Variants in PMPCB observed in about 807,000 individuals in gnomAD.
PMPCB encodes the protein mitochondrial-processing peptidase subunit beta.
In PMPCB, 46 loss-of-function variants were observed where a neutral mutation model predicts 61.5. The observed-to-expected ratio is 0.75, with a 90% CI of 0.59 to 0.96. PMPCB has a LOEUF of 0.96. Ranked by LOEUF, PMPCB falls within the 40% of genes least tolerant of loss-of-function variation. The pLI, the probability that PMPCB is intolerant of heterozygous loss-of-function variation, is 0.00. For missense variants in PMPCB, 590 were observed against 602.4 expected (o/e 0.98, Z 0.22); for synonymous variants, 191 against 201.6 (o/e 0.95, Z 0.44).
At chr7:103,301,073 G>A (rs189233713) in intron 4 of PMPCB, among the ~76,000 whole-genome samples, 240 of 152,284 alleles carry the variant, frequency 1.6e-3, no homozygotes, top group South Asian at 4.1e-3. Context: ...CATTAATAAT[G>A]TTTAAATGGC....
downstream of PMPCB, chr7:103,316,985 T>C: frequency 1.2e-6 from 2 of 1,613,692 alleles, no homozygotes; most frequent in Non-Finnish European, 1.7e-6. Context: ...CCTCTTTCTC[T>C]TTTCTGATTT....
chr7:103,344,397 A>G, the PMPCB span: 2 of 708,190 alleles, frequency 2.8e-6, no homozygotes, highest in African/African-American at 1.8e-5. Flanking sequence ...CTAGGGTAGG[A>G]TTACTTTAAA....
Position 103,312,311 on chromosome 7 carries a change from A to AAAAC in PMPCB, c.*42_*45dup, listed in dbSNP as rs750389616. The AAAAC allele has an allele frequency of 6.2e-6, 10 of 1,603,130 alleles. No individual in the cohort carries two copies. ...AGATTGTTTGAACACATGTATTTAT[A>AAAAC]AAACAGAGCTAGAGAAAAATAAAAA... On this transcript the variant is annotated 3_prime_UTR_variant, in exon 13 of 13. Transcript: ENST00000249269.
chr7:103,312,306 T>C lies in PMPCB; in HGVS notation c.*35T>C, dbSNP rs1817789910. 1 of 1,604,404 alleles carries C rather than the reference T, an allele frequency of 6.2e-7. No individual in the cohort carries two copies. Among genetic ancestry groups the C allele is most frequent in the Non-Finnish European group, 8.5e-7 (1 of 1,179,480 alleles). The stretch of plus-strand genomic sequence containing the variant: ...AATCAAGATTGTTTGAACACATGTA[T>C]TTATAAAACAGAGCTAGAGAAAAAT... On this transcript the variant is annotated 3_prime_UTR_variant, in exon 13 of 13. Coordinates refer to ENST00000249269, the MANE Select transcript of PMPCB (RefSeq NM_004279.3).
chr7:103,344,465 G>C, the PMPCB span: 1 of 1,442,210 alleles, frequency 6.9e-7, no homozygotes, highest in South Asian at 1.1e-5. Context: ...TAGTCGCCAG[G>C]GTCAAGGGTA....
At position 103,297,546 on chromosome 7, in the gene PMPCB, C is replaced by T. The variant is rs759616359; in HGVS notation, c.87C>T (p.Gly29=). Residue 29 remains glycine, a synonymous_variant, in exon 1 of 13, where the codon GGC becomes GGT. Coordinates refer to ENST00000249269, the MANE Select transcript of PMPCB (RefSeq NM_004279.3). ...TCAGCGAGAGTCTTCTAATCCGAGG[C>T]GCTGCGGGACGGGTGAGCTTCCCTC... is the stretch of plus-strand genomic sequence containing the variant. ...WGFSESLLIR[G]AAGRSLYFGE... 6.2e-7 allele frequency: 1 copy of T among 1,609,802 alleles called. No homozygotes were observed. The highest frequency in any genetic ancestry group is 8.5e-7 in the Non-Finnish European group (1 of 1,177,482).
the PMPCB span, chr7:103,341,706 A>G: frequency 7.3e-7 from 1 of 1,371,188 alleles, no homozygotes. Context: ...AACTCATAAG[A>G]AAATTGTCTA....
chr7:103,317,270 G>C (rs1185507881), downstream of PMPCB: 1 of 404,328 alleles, frequency 2.5e-6, no homozygotes, highest in Admixed American at 4.2e-5. Context: ...ACTTCCATTA[G>C]CCTTGGACAC....
intron 12 of PMPCB, among the ~76,000 whole-genome samples, chr7:103,326,343 T>C (rs1213381831): frequency 3.3e-5 from 5 of 152,168 alleles, no homozygotes; most frequent in African/African-American, 1.2e-4. Context: ...AATGTAGAAC[T>C]TCTGTTTAGA....
intron 6 of PMPCB, among the ~76,000 whole-genome samples, chr7:103,306,087 A>G (rs1586044941): frequency 1.3e-5 from 2 of 152,214 alleles, no homozygotes; most frequent in Non-Finnish European, 2.9e-5. Context: ...CTTAAATTCA[A>G]TGAAATAGGC....
intron 12 of PMPCB, chr7:103,324,422 T>C (rs1818589404): frequency 7.3e-7 from 1 of 1,371,246 alleles, no homozygotes; most frequent in Non-Finnish European, 9.8e-7. Flanking sequence ...AATCAAGTAC[T>C]TATTGAATAC....
At chr7:103,320,359 T>C (rs962100774) in intron 12 of PMPCB, among the ~76,000 whole-genome samples, 2 of 152,080 alleles carry the variant, frequency 1.3e-5, no homozygotes, top group Admixed American at 1.3e-4. Flanking sequence ...AAGTGCTGGT[T>C]ACAGGTGTGA....
chr7:103,308,600 C>CAAA (rs1817653998), intron 7 of PMPCB, among the ~76,000 whole-genome samples: 2 of 152,038 alleles, frequency 1.3e-5, no homozygotes, highest in African/African-American at 4.8e-5. Context: ...GGCTGGGCGA[C>CAAA]AGAGTGAGAC....
At chr7:103,332,895 A>G (rs1025525048), downstream of PMPCB, among the ~76,000 whole-genome samples, 6 of 152,232 alleles carry the variant, frequency 3.9e-5, no homozygotes, top group African/African-American at 1.4e-4. Flanking sequence ...AAGTGCTGGG[A>G]TCAAAGGCAT....
chr7:103,337,345 T>C, the PMPCB span: 1 of 158,566 alleles, frequency 6.3e-6, no homozygotes, highest in African/African-American at 2.4e-5. Context: ...TACAAAGGTG[T>C]GACCTAAGAT....
At chr7:103,319,448 C>A (rs1818259218), downstream of PMPCB, among the ~76,000 whole-genome samples, 1 of 151,898 alleles carries the variant, frequency 6.6e-6, no homozygotes. Context: ...AAACAAAAAA[C>A]CAAAAAACCG....
chr7:103,319,449 C>CA (rs1056364973), downstream of PMPCB, among the ~76,000 whole-genome samples: 2 of 151,616 alleles, frequency 1.3e-5, no homozygotes, highest in Admixed American at 6.6e-5. Context: ...AACAAAAAAC[C>CA]AAAAAACCGA....
intron 8 of PMPCB, among the ~76,000 whole-genome samples, chr7:103,309,600 A>G (rs1263828897): frequency 6.6e-6 from 1 of 152,224 alleles, no homozygotes; most frequent in Admixed American, 6.5e-5. Context: ...ATATGCAAAT[A>G]TTACATATAC....
At chr7:103,297,954 G>A (rs1168617687) in intron 1 of PMPCB, 19 of 1,212,584 alleles carry the variant, frequency 1.6e-5, no homozygotes, top group Non-Finnish European at 2.0e-5. Flanking sequence ...CATCAATGAA[G>A]TAAAATTTTT....
Sources: gnomAD v4.1 joint callset for allele counts (sites outside exome capture counted in the v4.1 genomes callset) on GRCh38, gnomAD v4.1.1 for gene constraint, MANE v1.5 for transcripts, NCBI Gene and HGNC (gene_info 2026-07-23, HGNC 2026-07-21) for gene names.